The following MTMR12 variants were observed in gnomAD, a reference collection of about 807,000 sequenced individuals.
MTMR12 encodes myotubularin related protein 12.
MTMR12 carries 33 observed loss-of-function variants against 96.7 expected under a neutral mutation model. That is an observed-to-expected ratio of 0.34 (90% CI 0.26 to 0.46). The LOEUF (loss-of-function observed/expected upper bound fraction) is 0.46, where lower values mean the gene tolerates loss of function less well. Ranked by LOEUF, MTMR12 falls within the 20% of genes least tolerant of loss-of-function variation. The probability of loss-of-function intolerance (pLI) is 1.00; values close to 1 mark genes in which losing one functional copy is unlikely to be tolerated. For synonymous variants in MTMR12, 298 were observed against 327.2 expected, an observed-to-expected ratio of 0.91 and a Z score of 0.96; for missense variants, 721 against 896.1, an observed-to-expected ratio of 0.80 and a Z score of 2.49.
At chr5:32,306,232 A>G (rs1442505799) in intron 1 of MTMR12, among the ~76,000 whole-genome samples, 6 of 152,204 alleles carry the variant, frequency 3.9e-5, no homozygotes, top group African/African-American at 1.4e-4. Context: ...GACAAACTCC[A>G]TGACCCTAAA....
chr5:32,304,836 T>C (rs966799079), intron 1 of MTMR12, among the ~76,000 whole-genome samples: 4 of 152,102 alleles, frequency 2.6e-5, no homozygotes, highest in African/African-American at 9.7e-5. Flanking sequence ...CTGCAGAAGT[T>C]GTGTGGTGTT....
chr5:32,236,334 G>A (rs1748227846), intron 13 of MTMR12, among the ~76,000 whole-genome samples: 1 of 152,062 alleles, frequency 6.6e-6, no homozygotes, highest in Non-Finnish European at 1.5e-5. Flanking sequence ...GATCGCCTGA[G>A]CCCGGGAGTT....
At chr5:32,248,195 C>A in intron 9 of MTMR12, 69 bp from the exon 10 acceptor site, 1 of 1,542,772 alleles carries the variant, frequency 6.5e-7, no homozygotes, top group South Asian at 1.2e-5. Flanking sequence ...TTACTACGTG[C>A]CACAATCTGT....
intron 8 of MTMR12, among the ~76,000 whole-genome samples, chr5:32,249,483 C>A (rs1748828998): frequency 6.6e-6 from 1 of 152,166 alleles, no homozygotes; most frequent in African/African-American, 2.4e-5. Context: ...ACATGCAAGG[C>A]ACCACATTAG....
Position 32,310,969 on chromosome 5 carries a change from G to C in MTMR12, c.81+1789C>G, listed in dbSNP as rs552540386. Among the ~76,000 whole-genome samples the C allele has an allele frequency of 3.9e-5, 6 of 151,986 alleles. No individual in the cohort carries two copies. The South Asian group carries it at 1.2e-3, about 32-fold the overall frequency. On this transcript the variant is annotated intron_variant, in intron 1 of 15. Coordinates refer to ENST00000382142, the MANE Select transcript of MTMR12 (RefSeq NM_001040446.3). ...GCTCACTGCAACCTCTGCCTCCTGG[G>C]TTCAAGCGATTCTCCTGCCTCAGCC... is the stretch of plus-strand genomic sequence containing the variant.
At chr5:32,291,688 G>T (rs1355712736) in intron 1 of MTMR12, among the ~76,000 whole-genome samples, 1 of 152,174 alleles carries the variant, frequency 6.6e-6, no homozygotes, top group Non-Finnish European at 1.5e-5. Context: ...TGGTGGCAGG[G>T]ATGGAGGTTA....
intron 1 of MTMR12, among the ~76,000 whole-genome samples, chr5:32,295,003 T>C (rs565163495): frequency 6.6e-6 from 1 of 152,332 alleles, no homozygotes; most frequent in East Asian, 1.9e-4. Flanking sequence ...GACTTTTAAT[T>C]TGGAGCTTTC....
At chr5:32,279,694 C>T (rs945776234) in intron 1 of MTMR12, among the ~76,000 whole-genome samples, 7 of 152,188 alleles carry the variant, frequency 4.6e-5, no homozygotes, top group Admixed American at 6.5e-5. Flanking sequence ...GTTGGTTTCA[C>T]GGAAGACAAT....
chr5:32,295,611 T>C (rs1456281446), intron 1 of MTMR12, among the ~76,000 whole-genome samples: 2 of 152,230 alleles, frequency 1.3e-5, no homozygotes, highest in East Asian at 1.9e-4. Flanking sequence ...CAATGATATA[T>C]GCCTAAATTA....
intron 12 of MTMR12, among the ~76,000 whole-genome samples, chr5:32,239,659 C>T (rs1748388533): frequency 6.6e-6 from 1 of 152,226 alleles, no homozygotes; most frequent in Admixed American, 6.5e-5. Flanking sequence ...TCAAACTCAC[C>T]TCAGACATCC....
intron 4 of MTMR12, 64 bp downstream of exon 4, chr5:32,271,766 ATAT>A (rs1749842470): frequency 1.1e-6 from 1 of 930,778 alleles, no homozygotes; most frequent in Non-Finnish European, 1.5e-6. Context: ...GGTCATAAAA[ATAT>A]TATTATCATT....
At chr5:32,251,123 T>A (rs1449294262) in intron 8 of MTMR12, among the ~76,000 whole-genome samples, 1 of 148,020 alleles carries the variant, frequency 6.8e-6, no homozygotes, top group East Asian at 2.0e-4. Flanking sequence ...TGGCGGGATC[T>A]CGGCTCACTG....
intron 1 of MTMR12, among the ~76,000 whole-genome samples, chr5:32,298,854 G>A (rs1276088622): frequency 1.3e-5 from 2 of 151,650 alleles, no homozygotes; most frequent in Non-Finnish European, 2.9e-5. Flanking sequence ...TCTGGAGGCT[G>A]AGGCAGGAGA....
In MTMR12 at chr5:32,228,532, A is replaced by ATGTGATATATATCATATATATG. The variant is rs202005526; in HGVS notation, c.*1245_*1246insCATATATATGATATATATCACA. 1 of 140,904 alleles carries ATGTGATATATATCATATATATG rather than the reference A, an allele frequency of 7.1e-6. No homozygotes were observed. Among genetic ancestry groups the ATGTGATATATATCATATATATG allele is most frequent in the African/African-American group, 2.8e-5 (1 of 36,174 alleles). 8.7% of individuals were successfully genotyped at this position (140,904 alleles called of 1,614,324 possible). The stretch of plus-strand genomic sequence containing the variant: ...ATTAAAAAAAATATATATCATATAT[A>ATGTGATATATATCATATATATG]TGATATATATATCATATATATGTGA... On this transcript the variant is annotated 3_prime_UTR_variant, in exon 16 of 16. Coordinates refer to ENST00000382142, the MANE Select transcript of MTMR12 (RefSeq NM_001040446.3).
intron 1 of MTMR12, among the ~76,000 whole-genome samples, chr5:32,299,819 G>T (rs944622105): frequency 5.3e-5 from 8 of 152,136 alleles, no homozygotes; most frequent in African/African-American, 1.9e-4. Context: ...TAAGAGATGG[G>T]GAAAGATGTC....
intron 8 of MTMR12, among the ~76,000 whole-genome samples, chr5:32,253,913 T>G (rs1749044100): frequency 6.6e-6 from 1 of 152,256 alleles, no homozygotes; most frequent in South Asian, 2.1e-4. Flanking sequence ...CGTGAGCCAC[T>G]ACGCCCTGCA....
chr5:32,302,939 T>G (rs1751207079), intron 1 of MTMR12, among the ~76,000 whole-genome samples: 2 of 152,150 alleles, frequency 1.3e-5, no homozygotes, highest in Admixed American at 1.3e-4. Flanking sequence ...AAGAAAGAGT[T>G]ACCACACAAG....
chr5:32,312,097 T>C lies in MTMR12; in HGVS notation c.81+661A>G, dbSNP rs1387168445. Reference sequence around the variant, plus strand: ...GCTCGAGAAGTATTTTCTGAATGAATGAACAAATTTCTTGACCTGAAGATT... The same window carrying C: ...GCTCGAGAAGTATTTTCTGAATGAACGAACAAATTTCTTGACCTGAAGATT... On this transcript the variant is annotated intron_variant, in intron 1 of 15. Transcript: ENST00000382142. This position sits in a 1 kb window ranked among gnomAD's most constrained non-coding sequence, Gnocchi z 5.0. Among the ~76,000 whole-genome samples the C allele has an allele frequency of 6.6e-6, 1 of 152,190 alleles. No homozygotes were observed. Among genetic ancestry groups the C allele is most frequent in the African/African-American group, 2.4e-5 (1 of 41,452 alleles).
intron 5 of MTMR12, among the ~76,000 whole-genome samples, chr5:32,269,582 G>A (rs1232275010): frequency 6.6e-6 from 1 of 152,222 alleles, no homozygotes; most frequent in African/African-American, 2.4e-5. Flanking sequence ...TGAGATTGCA[G>A]GCATTGGCCA....
Sources: allele counts gnomAD v4.1 joint callset (sites outside exome capture counted in the v4.1 genomes callset), GRCh38; gene constraint gnomAD v4.1.1; non-coding constraint Gnocchi (gnomAD v3.1); transcripts MANE v1.5; gene names NCBI Gene and HGNC (gene_info 2026-07-23, HGNC 2026-07-21).